Variants in GLRB observed in about 807,000 individuals in gnomAD.
GLRB encodes glycine receptor beta, also known as glycine receptor subunit beta.
In GLRB, 33 loss-of-function variants were observed where a neutral mutation model predicts 54.2. The observed-to-expected ratio is 0.61, with a 90% confidence interval of 0.46 to 0.81. The LOEUF is 0.81. Among genes scored for constraint, GLRB ranks in the 40% least tolerant of loss-of-function variants. GLRB has a pLI of 0.00. For missense variants in GLRB, 572 were observed against 584.6 expected, an observed-to-expected ratio of 0.98 and a Z score of 0.22; for synonymous variants, 209 against 208.2, an observed-to-expected ratio of 1.00 and a Z score of -0.03.
chr4:157,081,253 T>C (rs1734212207), intron 2 of GLRB, among the ~76,000 whole-genome samples: 1 of 152,210 alleles, frequency 6.6e-6, no homozygotes, highest in Non-Finnish European at 1.5e-5. Context: ...GCCTTTAATC[T>C]TTTGGTCTTT....
chr4:157,134,447 T>G (rs1315494842), intron 4 of GLRB, among the ~76,000 whole-genome samples: 1 of 151,832 alleles, frequency 6.6e-6, no homozygotes, highest in East Asian at 1.9e-4. Flanking sequence ...CTGTGATAGT[T>G]TCACTGCCCT....
chr4:157,171,637 A>G lies in GLRB; in HGVS notation c.*909A>G, dbSNP rs562199735. 1 of 152,526 alleles carries G rather than the reference A, an allele frequency of 6.6e-6. No homozygotes were observed. The highest frequency in any genetic ancestry group is 1.5e-5 in the Non-Finnish European group (1 of 67,826). The allele number at this position is 152,526 out of a possible 1,614,324, so 9.4% of individuals were successfully genotyped here. On this transcript the variant is annotated 3_prime_UTR_variant, in exon 10 of 10. Coordinates refer to ENST00000264428, the MANE Select transcript of GLRB (RefSeq NM_000824.5). ...TAATAAGTTGAAAAAGAAATCCATA[A>G]CTATTAAAAGATTTTAACTTTTTTA...
At chr4:157,101,206 A>G (rs1735013481) in intron 2 of GLRB, among the ~76,000 whole-genome samples, 1 of 152,164 alleles carries the variant, frequency 6.6e-6, no homozygotes. Context: ...TTAATCATTT[A>G]CTAACAGTAC....
intron 9 of GLRB, among the ~76,000 whole-genome samples, chr4:157,168,011 G>A (rs990431342): frequency 7.2e-5 from 11 of 152,022 alleles, no homozygotes; most frequent in Non-Finnish European, 1.0e-4. Flanking sequence ...ATCTGGCCCC[G>A]TGACCCAAAC....
At chr4:157,160,165 G>A (rs918494868) in intron 9 of GLRB, among the ~76,000 whole-genome samples, 4 of 152,062 alleles carry the variant, frequency 2.6e-5, no homozygotes, top group Non-Finnish European at 2.9e-5. Flanking sequence ...TATTTCTGCG[G>A]GATCGGTGGT....
chr4:157,097,445 A>G lies in GLRB; in HGVS notation c.122+19299A>G, dbSNP rs183757148. Among the ~76,000 whole-genome samples the G allele has an allele frequency of 4.6e-3, 694 of 152,318 alleles. 5 individuals are homozygous for G. The highest frequency in any genetic ancestry group is 6.3e-3 in the Non-Finnish European group (432 of 68,040). ...TATTAACTCCCCAGCCTAAGAATTG[A>G]ACTATTATTCTTGCAATTTTAAGTA... On this transcript the variant is annotated intron_variant, in intron 2 of 9. Coordinates refer to ENST00000264428, the MANE Select transcript of GLRB (RefSeq NM_000824.5).
chr4:157,114,345 T>C (rs984561167), intron 2 of GLRB, among the ~76,000 whole-genome samples: 13 of 151,696 alleles, frequency 8.6e-5, no homozygotes, highest in African/African-American at 2.4e-4. Context: ...CTCTTTCTTT[T>C]TTTTTTTTCA....
chr4:157,156,361 G>A (rs1429739720), intron 9 of GLRB, among the ~76,000 whole-genome samples: 2 of 152,124 alleles, frequency 1.3e-5, no homozygotes, highest in Non-Finnish European at 2.9e-5. Context: ...ACTGATTTGT[G>A]TACATTGATT....
chr4:157,125,112 G>A (rs974838624), intron 4 of GLRB, among the ~76,000 whole-genome samples: 1 of 151,756 alleles, frequency 6.6e-6, no homozygotes, highest in East Asian at 1.9e-4. Flanking sequence ...TTCATAATTT[G>A]TTATAAACAA....
intron 4 of GLRB, among the ~76,000 whole-genome samples, chr4:157,124,350 CTA>C (rs1735937931): frequency 6.6e-6 from 1 of 151,654 alleles, no homozygotes; most frequent in South Asian, 2.1e-4. Context: ...TTTTTCATCT[CTA>C]TTATTTGTCT....
intron 8 of GLRB, among the ~76,000 whole-genome samples, chr4:157,152,047 G>C (rs1341591555): frequency 1.3e-5 from 2 of 152,186 alleles, no homozygotes; most frequent in Admixed American, 6.5e-5. Flanking sequence ...GGAAGAGAAA[G>C]AGAGCAATAA....
At position 157,083,525 on chromosome 4, in the gene GLRB, A is replaced by T. The variant is rs145903190; in HGVS notation, c.122+5379A>T. Reference sequence around the variant, plus strand: ...ATATTTTAGAGAAAGGTTGAGCATTACACAGGCGGTTAGACCAGAGACTGA... The same window carrying T: ...ATATTTTAGAGAAAGGTTGAGCATTTCACAGGCGGTTAGACCAGAGACTGA... On this transcript the variant is annotated intron_variant, in intron 2 of 9. Transcript: ENST00000264428. Among the ~76,000 whole-genome samples the T allele has an allele frequency of 2.1e-4, 32 of 152,286 alleles. No individual in the cohort carries two copies. In the East Asian group the frequency reaches 6.0e-3, roughly 28 times the overall value.
At chr4:157,142,529 C>T (rs1025341238) in intron 7 of GLRB, among the ~76,000 whole-genome samples, 1 of 152,130 alleles carries the variant, frequency 6.6e-6, no homozygotes, top group Admixed American at 6.5e-5. Flanking sequence ...AATAGCCATT[C>T]TTTTATTTCA....
intron 2 of GLRB, among the ~76,000 whole-genome samples, chr4:157,087,459 C>T (rs941715639): frequency 6.6e-6 from 1 of 152,008 alleles, no homozygotes; most frequent in African/African-American, 2.4e-5. Flanking sequence ...TTTATGGCAG[C>T]CATATCTTTT....
intron 4 of GLRB, among the ~76,000 whole-genome samples, chr4:157,123,691 T>A (rs1735913633): frequency 6.6e-6 from 1 of 151,818 alleles, no homozygotes; most frequent in Non-Finnish European, 1.5e-5. Context: ...GTGGTTAATC[T>A]GTCTATATAC....
intron 2 of GLRB, among the ~76,000 whole-genome samples, chr4:157,083,832 C>T (rs1241873210): frequency 1.3e-5 from 2 of 151,992 alleles, no homozygotes; most frequent in Admixed American, 6.6e-5. Flanking sequence ...TTTTTTAAAA[C>T]ACTTCTTTCA....
Position 157,170,568 on chromosome 4 carries a change from A to G in GLRB, c.1334A>G (p.Asn445Ser), listed in dbSNP as rs749512865. 3 of 1,613,540 alleles carry G rather than the reference A, an allele frequency of 1.9e-6. No homozygotes were observed. Among genetic ancestry groups the G allele is most frequent in the Non-Finnish European group, 2.5e-6 (3 of 1,179,562 alleles). The stretch of plus-strand genomic sequence containing the variant: ...TGCTATGGAAAACCCATTGAAGTTA[A>G]CAACGGACTTGGGAAATCTCAGGCT... The part of the protein sequence containing the change: ...YDCYGKPIEV[N>S]NGLGKSQAKN... The change falls in exon 10 of 10, where the codon AAC becomes AGC. Residue 445 changes from asparagine to serine, a missense_variant. Transcript: ENST00000264428.
At position 157,105,708 on chromosome 4, in the gene GLRB, C is replaced by T. The variant is rs374358601; in HGVS notation, c.123-14848C>T. ...TTTCTGTGGCCCTATGTTGGATGCA[C>T]GCACACTTATTATTGTTACATCTTC... On this transcript the variant is annotated intron_variant, in intron 2 of 9. Coordinates refer to ENST00000264428, the MANE Select transcript of GLRB (RefSeq NM_000824.5). Among the ~76,000 whole-genome samples, 36 of 152,078 alleles carry T rather than the reference C, an allele frequency of 2.4e-4. No individual in the cohort carries two copies. In the East Asian group the frequency reaches 3.1e-3, roughly 13 times the overall value.
chr4:157,161,003 A>T (rs1737463370), intron 9 of GLRB, among the ~76,000 whole-genome samples: 1 of 152,124 alleles, frequency 6.6e-6, no homozygotes, highest in Non-Finnish European at 1.5e-5. Context: ...TTGCTTTATG[A>T]ATCTGGGTGC....
Sources: allele counts gnomAD v4.1 joint callset (sites outside exome capture counted in the v4.1 genomes callset), GRCh38; gene constraint gnomAD v4.1.1; transcripts MANE v1.5; gene names NCBI Gene and HGNC (gene_info 2026-07-23, HGNC 2026-07-21).